The following AGMO variants were observed in gnomAD, a reference collection of about 807,000 sequenced individuals.
The protein encoded by AGMO is glyceryl-ether monooxygenase.
AGMO carries 75 observed loss-of-function variants against 60.2 expected under a neutral mutation model. The observed-to-expected ratio is 1.25, with a 90% CI of 1.03 to 1.51. The LOEUF is 1.51. AGMO is among the 40% of genes most tolerant of loss of function. The pLI, the probability that AGMO is intolerant of heterozygous loss-of-function variation, is 0.00. For synonymous variants in AGMO, 261 were observed against 177.1 expected, an observed-to-expected ratio of 1.47 and a Z score of -3.76; for missense variants, 763 against 525.5, an observed-to-expected ratio of 1.45 and a Z score of -4.42.
chr7:15,481,655 T>C (rs959893213), intron 3 of AGMO, among the ~76,000 whole-genome samples: 8 of 152,006 alleles, frequency 5.3e-5, no homozygotes, highest in Admixed American at 3.9e-4. Flanking sequence ...CAAAAACTGA[T>C]AAAAGAAGCA....
Position 15,394,107 on chromosome 7 carries a change from C to A in AGMO, c.676+6G>T, listed in dbSNP as rs746265175. On this transcript the variant is annotated splice_donor_region_variant and intron_variant, in intron 6 of 12. Transcript: ENST00000342526. Reference sequence around the variant, plus strand: ...AGAAAAGAGAGAAGAAACAAAACTTCCTTACCATGATGAACCCTATGATGG... The same window carrying A: ...AGAAAAGAGAGAAGAAACAAAACTTACTTACCATGATGAACCCTATGATGG... 1 of 1,604,530 alleles carries A rather than the reference C, an allele frequency of 6.2e-7. No individual in the cohort carries two copies. The highest frequency in any genetic ancestry group is 2.2e-5 in the East Asian group (1 of 44,756).
chr7:15,322,829 T>C (rs1226593541), intron 12 of AGMO, among the ~76,000 whole-genome samples: 2 of 139,492 alleles, frequency 1.4e-5, no homozygotes, highest in African/African-American at 5.5e-5. Context: ...ATGTGACACA[T>C]AGCACAAAAT....
intron 12 of AGMO, among the ~76,000 whole-genome samples, chr7:15,272,101 G>C (rs1179525233): frequency 2.0e-5 from 3 of 151,798 alleles, no homozygotes; most frequent in Non-Finnish European, 4.4e-5. Context: ...GAGGATTTTT[G>C]CATATATGTT....
chr7:15,179,902 C>A, the AGMO span, among the ~76,000 whole-genome samples: 4 of 152,188 alleles, frequency 2.6e-5, no homozygotes, highest in Non-Finnish European at 5.9e-5. Flanking sequence ...TTCACTTCAA[C>A]CATGGCTGGA....
At chr7:15,393,763 C>T (rs547853813) in intron 6 of AGMO, among the ~76,000 whole-genome samples, 13 of 152,152 alleles carry the variant, frequency 8.5e-5, no homozygotes, top group Non-Finnish European at 1.9e-4. Context: ...TAGGAATGAC[C>T]TTCAGCACTG....
intron 3 of AGMO, among the ~76,000 whole-genome samples, chr7:15,539,125 G>C (rs1784553454): frequency 6.6e-6 from 1 of 151,754 alleles, no homozygotes; most frequent in Non-Finnish European, 1.5e-5. Flanking sequence ...TAATTTTTAT[G>C]ATTATTATTA....
At chr7:15,547,981 A>G (rs1784835818) in intron 2 of AGMO, among the ~76,000 whole-genome samples, 1 of 146,848 alleles carries the variant, frequency 6.8e-6, no homozygotes, top group Non-Finnish European at 1.6e-5. Context: ...GAACAGGCAG[A>G]CTGCCTCCTC....
chr7:15,391,244 A>G (rs1046750978), intron 6 of AGMO, among the ~76,000 whole-genome samples: 2 of 152,032 alleles, frequency 1.3e-5, no homozygotes, highest in Admixed American at 6.5e-5. Context: ...AAAATTATAA[A>G]TGAGAAATAA....
chr7:15,397,459 C>G (rs1784438771), intron 5 of AGMO, among the ~76,000 whole-genome samples: 1 of 152,154 alleles, frequency 6.6e-6, no homozygotes, highest in Non-Finnish European at 1.5e-5. Context: ...CCCCACAGCG[C>G]AGCGGCGGGC....
At chr7:15,181,152 G>A in the AGMO span, among the ~76,000 whole-genome samples, 3 of 152,022 alleles carry the variant, frequency 2.0e-5, no homozygotes, top group Admixed American at 6.6e-5. Context: ...ATGAGTTTTG[G>A]AGAAGACATT....
intron 3 of AGMO, among the ~76,000 whole-genome samples, chr7:15,446,899 T>G (rs1336524462): frequency 6.6e-6 from 1 of 152,194 alleles, no homozygotes. Flanking sequence ...TATGTCCTCA[T>G]TCTCTTGCTC....
At position 15,342,003 on chromosome 7, in the gene AGMO, G is replaced by A. The variant is rs1318150750; in HGVS notation, c.1263+23511C>T. 4.0e-5 allele frequency among the ~76,000 whole-genome samples: 6 copies of A among 151,654 alleles called. No homozygotes were observed. In the East Asian group the frequency reaches 1.2e-3, roughly 29 times the overall value. On this transcript the variant is annotated intron_variant, in intron 12 of 12. Transcript: ENST00000342526. ...GAGTTACAATTCAAGATGAGATTTGGGTGGAGACACAGCCAAAGCATATCT... is the reference window on the plus strand; with the variant it reads ...GAGTTACAATTCAAGATGAGATTTGAGTGGAGACACAGCCAAAGCATATCT...
intron 12 of AGMO, among the ~76,000 whole-genome samples, chr7:15,360,507 TAAG>T (rs1228145099): frequency 1.3e-5 from 2 of 152,158 alleles, no homozygotes; most frequent in Non-Finnish European, 2.9e-5. Context: ...AAGAAAATGT[TAAG>T]AAAATAATAA....
chr7:15,129,225 C>G, the AGMO span, among the ~76,000 whole-genome samples: 1 of 143,734 alleles, frequency 7.0e-6, no homozygotes, highest in Non-Finnish European at 1.6e-5. Context: ...AGTTGTTGCT[C>G]GGTTTCCAGG....
chr7:15,429,116 C>T (rs1240665755), intron 4 of AGMO, among the ~76,000 whole-genome samples: 1 of 152,002 alleles, frequency 6.6e-6, no homozygotes, highest in Non-Finnish European at 1.5e-5. Flanking sequence ...ATCCAGAGTT[C>T]CAGCATAAGC....
chr7:15,312,692 T>C (rs1056619543), intron 12 of AGMO, among the ~76,000 whole-genome samples: 18 of 151,886 alleles, frequency 1.2e-4, no homozygotes, highest in African/African-American at 3.4e-4. Flanking sequence ...AATTTTGTTT[T>C]TTCCCCCCGA....
chr7:15,511,330 A>G (rs1395161543), intron 3 of AGMO, among the ~76,000 whole-genome samples: 3 of 152,198 alleles, frequency 2.0e-5, no homozygotes. Flanking sequence ...CTGATGTGGG[A>G]AAAACATGCA....
At chr7:15,518,207 C>T (rs776023719) in intron 3 of AGMO, among the ~76,000 whole-genome samples, 1 of 152,272 alleles carries the variant, frequency 6.6e-6, no homozygotes, top group Non-Finnish European at 1.5e-5. Flanking sequence ...TTCCCTGGGA[C>T]AGAGCACCTG....
chr7:15,393,315 A>C (rs553803825), intron 6 of AGMO, among the ~76,000 whole-genome samples: 2 of 152,338 alleles, frequency 1.3e-5, no homozygotes, highest in African/African-American at 4.8e-5. Flanking sequence ...TTATAGAAAC[A>C]GAACAATAGC....
Sources: gnomAD v4.1 joint callset for allele counts (sites outside exome capture counted in the v4.1 genomes callset) on GRCh38, gnomAD v4.1.1 for gene constraint, MANE v1.5 for transcripts, NCBI Gene and HGNC (gene_info 2026-07-23, HGNC 2026-07-21) for gene names.